The following ANLN variants were observed in gnomAD, a reference collection of about 807,000 sequenced individuals.
ANLN encodes the protein anillin.
A neutral mutation model predicts 135.1 loss-of-function variants in ANLN; 59 were observed. The ratio of observed to expected loss-of-function variants is 0.44; its 90% CI spans 0.35 to 0.54. The LOEUF (loss-of-function observed/expected upper bound fraction) is 0.54. Ranked by LOEUF, ANLN falls within the 20% of genes least tolerant of loss-of-function variation. ANLN has a pLI of 0.00. For synonymous variants in ANLN, 406 were observed against 456.4 expected (o/e 0.89, Z 1.41); for missense variants, 1,182 against 1,340.0 (o/e 0.88, Z 1.84).
At chr7:36,419,599 C>A in intron 10 of ANLN, 120 bp downstream of exon 10, 1 of 749,484 alleles carries the variant, frequency 1.3e-6, no homozygotes, top group Non-Finnish European at 2.1e-6. Context: ...TTTTGCAGAC[C>A]TGTTGTCTGT....
chr7:36,410,600 C>T lies in ANLN; in HGVS notation c.1183C>T (p.His395Tyr), dbSNP rs777405506. Residue 395 changes from histidine (H) to tyrosine (Y), a missense_variant, in exon 6 of 24, where the codon CAC becomes TAC. This residue lies in a region of ANLN where 1,022 missense variants were observed against 1,134.0 expected (regional missense o/e 0.90). Transcript: ENST00000265748. ...SKESPARSTP[H>Y]RTPIITPNTK... The stretch of plus-strand genomic sequence containing the variant: ...AGAAAGTCCAGCTCGTAGCACACCC[C>T]ACAGAACCCCCATTATTACTCCAAA... 1 of 1,614,114 alleles carries T rather than the reference C, an allele frequency of 6.2e-7. No individual in the cohort carries two copies. Among genetic ancestry groups the T allele is most frequent in the Non-Finnish European group, 8.5e-7 (1 of 1,180,020 alleles).
chr7:36,399,551 T>C (rs966291802), intron 3 of ANLN, among the ~76,000 whole-genome samples, 158 bp downstream of exon 3: 1 of 152,180 alleles, frequency 6.6e-6, no homozygotes, highest in Non-Finnish European at 1.5e-5. Flanking sequence ...CTACCAGTAG[T>C]ATAAGTTGGT....
At chr7:36,442,166 T>A (rs913161453) in intron 21 of ANLN, among the ~76,000 whole-genome samples, 13 of 152,214 alleles carry the variant, frequency 8.5e-5, no homozygotes, top group African/African-American at 3.1e-4. Context: ...AAGGACTAGT[T>A]GAGATAATTT....
At chr7:36,436,203 G>T (rs28825163) in intron 20 of ANLN, among the ~76,000 whole-genome samples, 1 of 152,004 alleles carries the variant, frequency 6.6e-6, no homozygotes, top group Non-Finnish European at 1.5e-5. Flanking sequence ...ATATAAATGG[G>T]ATCATCATAC....
chr7:36,428,428 A>G, intron 20 of ANLN: 1 of 897,320 alleles, frequency 1.1e-6, no homozygotes, highest in Non-Finnish European at 1.5e-6. Flanking sequence ...TGATCTACAT[A>G]TATTTGTTTT....
At position 36,410,677 on chromosome 7, in the gene ANLN, T is replaced by C. The variant is rs1787375472; in HGVS notation, c.1260T>C (p.Thr420=). 1 of 1,614,056 alleles carries C rather than the reference T, an allele frequency of 6.2e-7. No individual in the cohort carries two copies. The highest frequency in any genetic ancestry group is 8.5e-7 in the Non-Finnish European group (1 of 1,179,966). ...TCAAGCAAGACACATCTTCATCTAC[T>C]ACCCATTTAGCACAACAGCTCAAGC... ...RLFKQDTSSS[T]THLAQQLKQE... Residue 420 remains threonine, a synonymous_variant, in exon 6 of 24, where the codon ACT becomes ACC. Coordinates refer to ENST00000265748, the MANE Select transcript of ANLN (RefSeq NM_018685.5).
At position 36,449,841 on chromosome 7, in the gene ANLN, T is replaced by G; in HGVS notation, c.3251+4T>G. 6.2e-7 allele frequency: 1 copy of G among 1,610,338 alleles called. No homozygotes were observed. The highest frequency in any genetic ancestry group is 8.5e-7 in the Non-Finnish European group (1 of 1,178,434). ...GGGACACACTCTGTGTTACCAAGTATGTATTGGCCTATAAATATTTCTATC... is the reference window on the plus strand; with the variant it reads ...GGGACACACTCTGTGTTACCAAGTAGGTATTGGCCTATAAATATTTCTATC... On this transcript the variant is annotated splice_donor_region_variant and intron_variant, in intron 23 of 23. Transcript: ENST00000265748.
intron 4 of ANLN, among the ~76,000 whole-genome samples, chr7:36,407,358 T>C (rs1355002429): frequency 6.6e-6 from 1 of 152,210 alleles, no homozygotes; most frequent in Non-Finnish European, 1.5e-5. Context: ...CATGATACTA[T>C]TTTGTTAAAT....
intron 7 of ANLN, among the ~76,000 whole-genome samples, chr7:36,414,413 G>A (rs1787556216): frequency 6.6e-6 from 1 of 152,188 alleles, no homozygotes; most frequent in African/African-American, 2.4e-5. Flanking sequence ...GAACAGAACT[G>A]ATGAGGACAA....
At position 36,399,101 on chromosome 7, in the gene ANLN, G is replaced by A. The variant is rs764261573; in HGVS notation, c.195G>A (p.Ser65=). ...TAGAGAAATCTTGTACAAAACCATC[G>A]CCATCAAAAAAACGCTGTTCTGACA... ...GGEEKSCTKP[S]PSKKRCSDNT... The change falls in exon 3 of 24, where the codon TCG becomes TCA. Residue 65 remains serine (S), a synonymous_variant. Transcript: ENST00000265748. 4.4e-6 allele frequency: 7 copies of A among 1,608,724 alleles called. No homozygotes were observed. Among genetic ancestry groups the A allele is most frequent in the South Asian group, 1.1e-5 (1 of 90,382 alleles).
chr7:36,422,096 C>A, intron 13 of ANLN, 104 bp downstream of exon 13: 1 of 1,299,848 alleles, frequency 7.7e-7, no homozygotes, highest in Non-Finnish European at 1.0e-6. Context: ...TTTTCCTAGT[C>A]ATCTGTTCCA....
intron 20 of ANLN, among the ~76,000 whole-genome samples, chr7:36,435,573 G>T (rs969780042): frequency 6.6e-6 from 1 of 152,022 alleles, no homozygotes; most frequent in Non-Finnish European, 1.5e-5. Flanking sequence ...TCAGCGTGAT[G>T]TTTTTAAGAT....
intron 20 of ANLN, among the ~76,000 whole-genome samples, chr7:36,431,029 C>T (rs2116720371): frequency 6.6e-6 from 1 of 152,228 alleles, no homozygotes; most frequent in East Asian, 1.9e-4. Flanking sequence ...GTCTACTTTT[C>T]CTCAGCTACA....
intron 7 of ANLN, among the ~76,000 whole-genome samples, chr7:36,411,810 A>T (rs962341247): frequency 6.6e-6 from 1 of 152,230 alleles, no homozygotes; most frequent in Non-Finnish European, 1.5e-5. Context: ...TCACTTGCTT[A>T]ACAAATCACA....
At chr7:36,398,313 G>A (rs1786793333) in intron 2 of ANLN, among the ~76,000 whole-genome samples, 1 of 152,012 alleles carries the variant, frequency 6.6e-6, no homozygotes, top group East Asian at 1.9e-4. Context: ...GTCTCCTGTC[G>A]TAATCCTAAA....
chr7:36,423,279 G>T (rs560449321), intron 14 of ANLN, among the ~76,000 whole-genome samples: 2 of 152,204 alleles, frequency 1.3e-5, no homozygotes, highest in Admixed American at 6.5e-5. Flanking sequence ...ACTTTTGTAG[G>T]AATAAGGTAA....
intron 7 of ANLN, among the ~76,000 whole-genome samples, chr7:36,414,591 A>C (rs1213211071): frequency 1.3e-5 from 2 of 152,152 alleles, no homozygotes; most frequent in African/African-American, 2.4e-5. Flanking sequence ...AAGAAGAGAG[A>C]GCTGACTCAG....
intron 7 of ANLN, among the ~76,000 whole-genome samples, chr7:36,412,138 T>C (rs533565983): frequency 1.3e-5 from 2 of 151,592 alleles, no homozygotes; most frequent in East Asian, 1.9e-4. Context: ...AGCACACATA[T>C]GCATAAACAC....
At chr7:36,420,056 A>T in intron 10 of ANLN, 113 bp from the exon 11 acceptor site, 1 of 1,011,736 alleles carries the variant, frequency 9.9e-7, no homozygotes, top group South Asian at 2.0e-5. Context: ...ATGATGAATC[A>T]ATCAGCTTAC....
Sources: allele counts gnomAD v4.1 joint callset (sites outside exome capture counted in the v4.1 genomes callset), GRCh38; gene constraint gnomAD v4.1.1; regional missense constraint gnomAD v4.1.1; transcripts MANE v1.5; gene names NCBI Gene and HGNC (gene_info 2026-07-23, HGNC 2026-07-21).